The following PCDHGB1 variants were observed in gnomAD, a reference collection of about 807,000 sequenced individuals.
PCDHGB1 encodes protocadherin gamma subfamily B, 1, also known as protocadherin gamma-B1.
In PCDHGB1, 34 loss-of-function variants were observed where a neutral mutation model predicts 56.6. The ratio of observed to expected loss-of-function variants is 0.60; its 90% CI spans 0.46 to 0.80. The LOEUF (loss-of-function observed/expected upper bound fraction) is 0.80, where lower values mean the gene tolerates loss of function less well. PCDHGB1 is among the 30% of genes least tolerant of loss of function. The probability of loss-of-function intolerance (pLI) is 0.00; values close to 1 mark genes in which losing one functional copy is unlikely to be tolerated. For missense variants in PCDHGB1, 1,278 were observed against 1,204.6 expected (o/e 1.06, Z -0.90); for synonymous variants, 561 against 505.9 (o/e 1.11, Z -1.46).
chr5:141,491,578 C>G lies in PCDHGB1; in HGVS notation c.2410-3229C>G, dbSNP rs1438933474. ...CCACTGCTACAGGACGTGCTTTTCA[C>G]CGGCCTCGGACGGCAGTGACTTCAC... On this transcript the variant is annotated intron_variant, in intron 1 of 3. Transcript: ENST00000523390. This position sits in a 1 kb window ranked among gnomAD's most constrained non-coding sequence, Gnocchi z 6.9. The G allele has an allele frequency of 1.9e-6, 3 of 1,614,006 alleles. No individual in the cohort carries two copies. Among genetic ancestry groups the G allele is most frequent in the Non-Finnish European group, 2.5e-6 (3 of 1,180,036 alleles).
In PCDHGB1 at chr5:141,490,959, C is replaced by T. The variant is rs1385897960; in HGVS notation, c.2410-3848C>T. ...TGCACCCACGGCCAGACTGGGAACA[C>T]TCAGCCCCCCAGCGTCTCCCTCGCT... On this transcript the variant is annotated intron_variant, in intron 1 of 3. Transcript: ENST00000523390. The surrounding 1 kb of genome is among the most constrained non-coding windows in gnomAD (Gnocchi z 5.4). 6.2e-7 allele frequency: 1 copy of T among 1,613,844 alleles called. No individual in the cohort carries two copies. Among genetic ancestry groups the T allele is most frequent in the South Asian group, 1.1e-5 (1 of 91,038 alleles).
At chr5:141,415,853 G>C (rs2154546169) in intron 1 of PCDHGB1, 1 of 1,186,350 alleles carries the variant, frequency 8.4e-7, no homozygotes, top group Admixed American at 4.0e-5. Context: ...GCAGAACCTT[G>C]TAGTTTATAG....
intron 1 of PCDHGB1, chr5:141,478,134 C>A (rs2099431418): frequency 6.2e-7 from 1 of 1,614,074 alleles, no homozygotes; most frequent in African/African-American, 1.3e-5. Flanking sequence ...TCTCCTGAAG[C>A]CCGAGCCGAG....
intron 1 of PCDHGB1, chr5:141,422,697 C>T (rs1406213402): frequency 3.7e-6 from 6 of 1,603,284 alleles, no homozygotes; most frequent in South Asian, 1.1e-5. Flanking sequence ...TGGTCACTTA[C>T]TCTCTGACGG....
At chr5:141,481,638 T>G (rs1465682432) in intron 1 of PCDHGB1, among the ~76,000 whole-genome samples, 1 of 152,014 alleles carries the variant, frequency 6.6e-6, no homozygotes, top group Admixed American at 6.6e-5. Context: ...GCCAACATGG[T>G]GAAACTTCAT....
intron 1 of PCDHGB1, chr5:141,409,837 C>T (rs182654621): frequency 2.2e-5 from 36 of 1,611,350 alleles, no homozygotes; most frequent in Non-Finnish European, 2.9e-5. Context: ...TCAGCGCCAA[C>T]GTGAGCCTGC....
At position 141,432,172 on chromosome 5, in the gene PCDHGB1, C is replaced by A. The variant is rs562175068; in HGVS notation, c.2410-62635C>A. ...AGAACAATCCCAGAGGAGTTTCCCT[C>A]GTCTCTGTGACCGCCCACGACCCCG... On this transcript the variant is annotated intron_variant, in intron 1 of 3. Coordinates refer to ENST00000523390, the MANE Select transcript of PCDHGB1 (RefSeq NM_018922.3). This position sits in a 1 kb window ranked among gnomAD's most constrained non-coding sequence, Gnocchi z 6.0. 5 of 1,614,152 alleles carry A rather than the reference C, an allele frequency of 3.1e-6. No homozygotes were observed. The South Asian group carries it at 4.4e-5, about 14-fold the overall frequency.
At chr5:141,376,554 C>A in intron 1 of PCDHGB1, 1 of 1,611,072 alleles carries the variant, frequency 6.2e-7, no homozygotes, top group Non-Finnish European at 8.5e-7. Flanking sequence ...GATCTTCCCG[C>A]AACCCAACTA....
In PCDHGB1 at chr5:141,371,282, T is replaced by G. The variant is rs201701201; in HGVS notation, c.2409+18613T>G. On this transcript the variant is annotated intron_variant, in intron 1 of 3. Coordinates refer to ENST00000523390, the MANE Select transcript of PCDHGB1 (RefSeq NM_018922.3). ...TGAGACAACTGTTCAAGCTGGACAG[T>G]AAAACGGGGGAACTCACCACTATTG... 2.0e-4 allele frequency: 326 copies of G among 1,613,828 alleles called. 2 individuals are homozygous for G. The highest frequency in any genetic ancestry group is 4.9e-4 in the Middle Eastern group (3 of 6,084).
At position 141,487,063 on chromosome 5, in the gene PCDHGB1, G is replaced by A. The variant is rs754361361; in HGVS notation, c.2410-7744G>A. 39 of 1,614,086 alleles carry A rather than the reference G, an allele frequency of 2.4e-5. No individual in the cohort carries two copies. In the South Asian group the frequency reaches 3.7e-4, roughly 15 times the overall value. The stretch of plus-strand genomic sequence containing the variant: ...CTCGATATGCTGGGGAGGTGCGGAC[G>A]GCTGTTCCTATCCCAGCTGACCTCC... On this transcript the variant is annotated intron_variant, in intron 1 of 3. Transcript: ENST00000523390. The surrounding 1 kb of genome is among the most constrained non-coding windows in gnomAD (Gnocchi z 5.0).
chr5:141,498,814 T>G (rs2099785952), intron 2 of PCDHGB1, among the ~76,000 whole-genome samples: 1 of 151,956 alleles, frequency 6.6e-6, no homozygotes. Flanking sequence ...ACACCTGTAG[T>G]CCCAGCTACT....
At chr5:141,357,835 A>G in intron 1 of PCDHGB1, 1 of 654,218 alleles carries the variant, frequency 1.5e-6, no homozygotes, top group South Asian at 2.1e-5. Context: ...GTCTTCATTC[A>G]GTTGTAGTTT....
chr5:141,391,135 C>T (rs1481057033), intron 1 of PCDHGB1: 2 of 152,104 alleles, frequency 1.3e-5, no homozygotes, highest in Non-Finnish European at 2.9e-5. Flanking sequence ...AATCATTCTC[C>T]TACCTCTAGG....
Position 141,431,300 on chromosome 5 carries a change from A to G in PCDHGB1, c.2410-63507A>G, listed in dbSNP as rs200375087. 7.4e-6 allele frequency: 12 copies of G among 1,614,008 alleles called. No homozygotes were observed. Among genetic ancestry groups the G allele is most frequent in the Admixed American group, 1.7e-5 (1 of 60,010 alleles). ...CAGCCCGAACACTCACTTCTCCCTC[A>G]TCGTGCAAAATGGAGCCGACGGTAG... On this transcript the variant is annotated intron_variant, in intron 1 of 3. Coordinates refer to ENST00000523390, the MANE Select transcript of PCDHGB1 (RefSeq NM_018922.3). This position sits in a 1 kb window ranked among gnomAD's most constrained non-coding sequence, Gnocchi z 4.8.
chr5:141,391,648 C>T (rs760508987), intron 1 of PCDHGB1: 4 of 152,210 alleles, frequency 2.6e-5, no homozygotes, highest in Non-Finnish European at 5.9e-5. Context: ...AAAAAACTAT[C>T]ATACCAGTCT....
At chr5:141,462,497 T>C (rs1333421053) in intron 1 of PCDHGB1, among the ~76,000 whole-genome samples, 1 of 152,244 alleles carries the variant, frequency 6.6e-6, no homozygotes, top group Non-Finnish European at 1.5e-5. Flanking sequence ...TATCCTATAA[T>C]TGTCAACTAG....
At chr5:141,450,556 G>T (rs534127421) in intron 1 of PCDHGB1, among the ~76,000 whole-genome samples, 1 of 151,940 alleles carries the variant, frequency 6.6e-6, no homozygotes, top group African/African-American at 2.4e-5. Flanking sequence ...GCGCAGTCTC[G>T]GCTCACTGCA....
intron 1 of PCDHGB1, chr5:141,414,764 A>G: frequency 6.2e-7 from 1 of 1,614,194 alleles, no homozygotes; most frequent in Non-Finnish European, 8.5e-7. Flanking sequence ...GAGCAGTTTC[A>G]TGAGCTACAG....
intron 1 of PCDHGB1, chr5:141,383,947 A>T (rs757638644): frequency 6.2e-7 from 1 of 1,613,788 alleles, no homozygotes; most frequent in Non-Finnish European, 8.5e-7. Context: ...AGTGACTATG[A>T]CGTCTTTAAG....
Sources: gnomAD v4.1 joint callset for allele counts (sites outside exome capture counted in the v4.1 genomes callset) on GRCh38, gnomAD v4.1.1 for gene constraint, Gnocchi (gnomAD v3.1) non-coding constraint, MANE v1.5 for transcripts, NCBI Gene and HGNC (gene_info 2026-07-23, HGNC 2026-07-21) for gene names.